GRIK2: variants seen among roughly 807,000 people sequenced by gnomAD.
GRIK2 encodes the protein glutamate ionotropic receptor kainate type subunit 2.
In GRIK2, 32 loss-of-function variants were observed where a neutral mutation model predicts 100.3. That is an observed-to-expected ratio of 0.32 (90% CI 0.24 to 0.43). GRIK2 has a LOEUF of 0.43. Ranked by LOEUF, GRIK2 falls within the 20% of genes least tolerant of loss-of-function variation. The pLI, the probability that GRIK2 is intolerant of heterozygous loss-of-function variation, is 1.00. For synonymous variants in GRIK2, 417 were observed against 389.4 expected (o/e 1.07, Z -0.83); for missense variants, 843 against 1,114.9 (o/e 0.76, Z 3.47).
At chr6:101,506,987 A>G (rs959924667) in intron 2 of GRIK2, among the ~76,000 whole-genome samples, 3 of 152,238 alleles carry the variant, frequency 2.0e-5, no homozygotes, top group African/African-American at 7.2e-5. Context: ...AGGAGAGCCT[A>G]TGACATCCCA....
At chr6:101,751,057 G>T (rs138490896) in intron 7 of GRIK2, among the ~76,000 whole-genome samples, 1 of 151,888 alleles carries the variant, frequency 6.6e-6, no homozygotes, top group African/African-American at 2.4e-5. Context: ...AATTTGTAAG[G>T]TCACCTCTAT....
At chr6:102,035,659 A>G in intron 15 of GRIK2, 93 bp downstream of exon 15, 1 of 697,676 alleles carries the variant, frequency 1.4e-6, no homozygotes, top group Non-Finnish European at 2.5e-6. Flanking sequence ...GCCATTAGGA[A>G]TTTTGTTTTT....
intron 10 of GRIK2, among the ~76,000 whole-genome samples, chr6:101,831,954 G>A (rs1287469860): frequency 2.6e-5 from 4 of 151,878 alleles, no homozygotes; most frequent in Non-Finnish European, 4.4e-5. Flanking sequence ...TTAGATTAGT[G>A]GTGGTATTTA....
intron 7 of GRIK2, among the ~76,000 whole-genome samples, chr6:101,726,782 A>G (rs1269870362): frequency 6.6e-6 from 1 of 152,050 alleles, no homozygotes; most frequent in Non-Finnish European, 1.5e-5. Flanking sequence ...ACTGAAAACA[A>G]CATGGACAAT....
intron 8 of GRIK2, among the ~76,000 whole-genome samples, chr6:101,801,973 T>C (rs955505612): frequency 6.6e-6 from 1 of 151,882 alleles, no homozygotes; most frequent in Admixed American, 6.6e-5. Flanking sequence ...TAGTTCTAAC[T>C]GTATTTGCCA....
At chr6:102,008,904 A>G (rs1483755034) in intron 14 of GRIK2, among the ~76,000 whole-genome samples, 1 of 152,046 alleles carries the variant, frequency 6.6e-6, no homozygotes, top group Non-Finnish European at 1.5e-5. Context: ...AATATGTAAT[A>G]TACATGTATA....
chr6:101,632,104 G>A (rs1242756240), intron 4 of GRIK2, among the ~76,000 whole-genome samples: 1 of 152,080 alleles, frequency 6.6e-6, no homozygotes, highest in African/African-American at 2.4e-5. Flanking sequence ...ACACGTACAT[G>A]TGCACATTTG....
At chr6:101,919,990 C>T (rs2128468695) in intron 12 of GRIK2, among the ~76,000 whole-genome samples, 2 of 151,820 alleles carry the variant, frequency 1.3e-5, no homozygotes, top group Admixed American at 1.3e-4. Context: ...TTCAAATGCT[C>T]ACTTTTTTAA....
rs367610877 is a variant in GRIK2 at position 101,863,604 on chromosome 6, T to C, written c.1524+4111T>C. Among the ~76,000 whole-genome samples, 3 of 152,310 alleles carry C rather than the reference T, an allele frequency of 2.0e-5. No homozygotes were observed. In the East Asian group the frequency reaches 5.8e-4, roughly 29 times the overall value. On this transcript the variant is annotated intron_variant, in intron 11 of 16. Coordinates refer to ENST00000369134, the MANE Select transcript of GRIK2 (RefSeq NM_021956.5). ...AAATTTCAGAATATCCTTAAGCCAG[T>C]GTTCTGCTGGTGAATCTCTGACCTA...
At chr6:101,680,778 T>C (rs2128341732) in intron 5 of GRIK2, among the ~76,000 whole-genome samples, 2 of 152,286 alleles carry the variant, frequency 1.3e-5, no homozygotes, top group South Asian at 4.1e-4. Flanking sequence ...GAGCAATGAA[T>C]GCCTTCTACA....
intron 2 of GRIK2, among the ~76,000 whole-genome samples, chr6:101,407,507 A>G (rs139419088): frequency 4.1e-4 from 62 of 152,222 alleles, no homozygotes; most frequent in Non-Finnish European, 7.4e-4. Flanking sequence ...TTTAGAAAGA[A>G]ATCTGGTAGC....
chr6:101,418,068 CA>C (rs992036025), intron 2 of GRIK2, among the ~76,000 whole-genome samples: 1 of 152,182 alleles, frequency 6.6e-6, no homozygotes, highest in Non-Finnish European at 1.5e-5. Flanking sequence ...GATACAAATT[CA>C]GCCCTAGGCT....
chr6:101,550,640 C>T (rs1165541446), intron 2 of GRIK2, among the ~76,000 whole-genome samples: 6 of 152,140 alleles, frequency 3.9e-5, no homozygotes, highest in African/African-American at 4.8e-5. Flanking sequence ...GCTGTCTTAA[C>T]GTGGAATGTA....
In GRIK2 at chr6:101,561,751, G is replaced by C. The variant is rs189551898; in HGVS notation, c.116-60198G>C. Among the ~76,000 whole-genome samples the C allele has an allele frequency of 1.3e-3, 200 of 152,202 alleles. 4 individuals carry two copies. The highest frequency in any genetic ancestry group is 0.013 in the Admixed American group (196 of 15,268). ...AGGGAGTAATTGGACTTGGGTGTTT[G>C]GAATTTGGGAAGGGGTTATAGAAAT... On this transcript the variant is annotated intron_variant, in intron 2 of 16. Transcript: ENST00000369134.
chr6:101,900,173 T>C (rs1410343725), intron 12 of GRIK2, among the ~76,000 whole-genome samples: 2 of 152,120 alleles, frequency 1.3e-5, no homozygotes, highest in Non-Finnish European at 1.5e-5. Context: ...TTTAAACATA[T>C]TTATTTTGGA....
chr6:102,066,645 C>A (rs1404065702), intron 16 of GRIK2, among the ~76,000 whole-genome samples: 1 of 150,988 alleles, frequency 6.6e-6, no homozygotes, highest in Admixed American at 6.6e-5. Context: ...TAATGGAAGT[C>A]CCACCAATAA....
chr6:101,565,432 G>T (rs1353198878), intron 2 of GRIK2, among the ~76,000 whole-genome samples: 1 of 151,966 alleles, frequency 6.6e-6, no homozygotes, highest in African/African-American at 2.4e-5. Flanking sequence ...GTTTCTAAAT[G>T]AATATAATTC....
At chr6:101,937,746 G>T (rs889880976) in intron 14 of GRIK2, among the ~76,000 whole-genome samples, 4 of 151,500 alleles carry the variant, frequency 2.6e-5, no homozygotes, top group African/African-American at 9.7e-5. Flanking sequence ...TGACATTGTG[G>T]CTATGAAATA....
At chr6:101,604,644 A>G (rs533865903) in intron 2 of GRIK2, among the ~76,000 whole-genome samples, 2 of 152,008 alleles carry the variant, frequency 1.3e-5, no homozygotes, top group East Asian at 3.9e-4. Context: ...AAACTATGCT[A>G]TTTGAAGGGC....
Sources: allele counts gnomAD v4.1 joint callset (sites outside exome capture counted in the v4.1 genomes callset), GRCh38; gene constraint gnomAD v4.1.1; transcripts MANE v1.5; gene names NCBI Gene and HGNC (gene_info 2026-07-23, HGNC 2026-07-21).